EPN3: variants seen among roughly 807,000 people sequenced by gnomAD.
The protein encoded by EPN3 is epsin 3.
In EPN3, 56 loss-of-function variants were observed where a neutral mutation model predicts 55.5. The observed-to-expected ratio is 1.01, with a 90% CI of 0.81 to 1.26. EPN3 has a LOEUF of 1.26. EPN3 is among the 50% of genes most tolerant of loss of function. EPN3 has a pLI of 0.00. For missense variants in EPN3, 927 were observed against 853.4 expected, an observed-to-expected ratio of 1.09 and a Z score of -1.07; for synonymous variants, 449 against 375.2, an observed-to-expected ratio of 1.20 and a Z score of -2.27.
chr17:50,542,078 C>G lies in EPN3; in HGVS notation c.1820C>G (p.Pro607Arg), dbSNP rs775376900. The part of the protein sequence containing the change: ...SVFPQAGAFA[P>R]QPLLPTPSSA... ...TTCCCGCAGGCCGGAGCCTTCGCACCGCAGCCGCTGCTGCCCACGCCGAGC... is the reference window on the plus strand; with the variant it reads ...TTCCCGCAGGCCGGAGCCTTCGCACGGCAGCCGCTGCTGCCCACGCCGAGC... Residue 607 changes from proline (P) to arginine (R), a missense_variant, in exon 10 of 10, where the codon CCG (proline) becomes CGG (arginine). Transcript: ENST00000268933. The G allele has an allele frequency of 6.3e-7, 1 of 1,579,996 alleles. No homozygotes were observed. The highest frequency in any genetic ancestry group is 8.5e-7 in the Non-Finnish European group (1 of 1,172,818).
chr17:50,534,434 T>C (rs2034728615), intron 1 of EPN3: 3 of 985,400 alleles, frequency 3.0e-6, no homozygotes, highest in South Asian at 9.4e-5. Flanking sequence ...CGACTGGTTC[T>C]GCTAGTTCCA....
chr17:50,541,803 C>T, intron 9 of EPN3, 41 bp from the exon 10 acceptor site: 1 of 1,608,910 alleles, frequency 6.2e-7, no homozygotes, highest in Non-Finnish European at 8.5e-7. Context: ...CGGTGTAGGG[C>T]TCTGAACCCC....
intron 2 of EPN3, chr17:50,537,446 C>T: frequency 2.6e-6 from 1 of 386,718 alleles, no homozygotes; most frequent in South Asian, 2.9e-5. Flanking sequence ...GTTCTCTGAA[C>T]CTCAGTTTCC....
In EPN3 at chr17:50,541,869, C is replaced by T. The variant is rs1597864595; in HGVS notation, c.1611C>T (p.Asn537=). 1 of 1,609,196 alleles carries T rather than the reference C, an allele frequency of 6.2e-7. No homozygotes were observed. Among genetic ancestry groups the T allele is most frequent in the Non-Finnish European group, 8.5e-7 (1 of 1,179,994 alleles). Residue 537 remains asparagine, a synonymous_variant, in exon 10 of 10, where the codon AAC becomes AAT. Coordinates refer to ENST00000268933, the MANE Select transcript of EPN3 (RefSeq NM_017957.3). Reference sequence around the variant, plus strand: ...GTCTCAGCGCTCCGTCCCCCACCAACCCGTTCGGCGCGGGCGAGCCGGGCA... The same window carrying T: ...GTCTCAGCGCTCCGTCCCCCACCAATCCGTTCGGCGCGGGCGAGCCGGGCA... The part of the protein sequence containing the change: ...LTGLSAPSPT[N]PFGAGEPGRP...
intron 1 of EPN3, among the ~76,000 whole-genome samples, chr17:50,533,628 C>A (rs1218681325): frequency 2.0e-5 from 3 of 152,270 alleles, no homozygotes; most frequent in African/African-American, 2.4e-5. Flanking sequence ...TCGGTCCTGA[C>A]TTTTGGGAAA....
At chr17:50,539,824 C>T (rs1035712300) in intron 5 of EPN3, among the ~76,000 whole-genome samples, 12 of 152,208 alleles carry the variant, frequency 7.9e-5, no homozygotes, top group African/African-American at 2.9e-4. Flanking sequence ...GTCTCCTTTC[C>T]GTCCATGTTC....
rs1440124926 is a variant in EPN3, at chr17:50,539,312, C to T, written c.888C>T (p.Ser296=). 1.9e-6 allele frequency: 3 copies of T among 1,613,968 alleles called. No individual in the cohort carries two copies. The East Asian group carries it at 6.7e-5, about 36-fold the overall frequency. ...AGGAGGAGGAGAAGCTAAAAACCAG[C>T]CAGGTAGGGAGTGGGCTGCGGTGCT... The part of the protein sequence containing the change: ...ERKEEEKLKT[S]QSSILDLADI... Residue 296 remains serine (S), a synonymous_variant, in exon 5 of 10, where the codon AGC becomes AGT. Coordinates refer to ENST00000268933, the MANE Select transcript of EPN3 (RefSeq NM_017957.3).
chr17:50,534,693 C>T (rs117017957), intron 1 of EPN3: 26,991 of 968,638 alleles, frequency 0.028, 414 homozygotes, highest in Middle Eastern at 0.035. Context: ...ACCTCGCCCA[C>T]TCCCACGGTA....
chr17:50,534,088 C>T (rs189811708), intron 1 of EPN3, among the ~76,000 whole-genome samples: 20 of 31,812 alleles, frequency 6.3e-4, no homozygotes, highest in Admixed American at 5.6e-3. Flanking sequence ...CCCTTCTCTG[C>T]GCTTGGGCAG....
intron 1 of EPN3, among the ~76,000 whole-genome samples, chr17:50,535,146 G>A (rs1053995113): frequency 2.6e-5 from 4 of 152,160 alleles, no homozygotes; most frequent in Admixed American, 6.5e-5. Flanking sequence ...CTCCCTGCTG[G>A]GGTACCAGAG....
chr17:50,537,348 T>C (rs1339550168), intron 2 of EPN3: 4 of 574,700 alleles, frequency 7.0e-6, no homozygotes, highest in Non-Finnish European at 1.2e-5. Flanking sequence ...AGCTGCCTGA[T>C]AGGATGGCGC....
Position 50,543,129 on chromosome 17 carries a change from G to A in EPN3, c.*972G>A, listed in dbSNP as rs1297021023. On this transcript the variant is annotated 3_prime_UTR_variant, in exon 10 of 10. Coordinates refer to ENST00000268933, the MANE Select transcript of EPN3 (RefSeq NM_017957.3). ...GGAGGGATCCAACCTCCAGGAGCTCGAGCGCAGCAGGGTAGACAAGCCAGG... is the reference window on the plus strand; with the variant it reads ...GGAGGGATCCAACCTCCAGGAGCTCAAGCGCAGCAGGGTAGACAAGCCAGG... 6.6e-6 allele frequency: 1 copy of A among 152,260 alleles called. No individual in the cohort carries two copies. The highest frequency in any genetic ancestry group is 1.5e-5 in the Non-Finnish European group (1 of 68,050). 9.4% of individuals were successfully genotyped at this position (152,260 alleles called of 1,614,324 possible).
chr17:50,542,233 GGGGCGCC>G lies in EPN3; in HGVS notation c.*79_*85del. ...CCCGCCTCCGGACCCGGGGCTGGGC[GGGGCGCC>G]GGTGCTAGTGGAACGCCGAGCCAGT... On this transcript the variant is annotated 3_prime_UTR_variant, in exon 10 of 10. Coordinates refer to ENST00000268933, the MANE Select transcript of EPN3 (RefSeq NM_017957.3). The G allele has an allele frequency of 7.2e-7, 1 of 1,380,612 alleles. No homozygotes were observed. The highest frequency in any genetic ancestry group is 9.3e-7 in the Non-Finnish European group (1 of 1,073,558). The allele number at this position is 1,380,612 out of a possible 1,614,324, so 85.5% of individuals were successfully genotyped here.
At chr17:50,537,593 G>T (rs1025383938) in intron 2 of EPN3, 3 of 199,130 alleles carry the variant, frequency 1.5e-5, no homozygotes, top group South Asian at 1.1e-4. Context: ...TGAGGGCAGC[G>T]GCTAGACAGT....
Position 50,536,901 on chromosome 17 carries a change from C to T in EPN3, c.345C>T (p.Asp115=), listed in dbSNP as rs139061502. ...TLKDFQYIDR[D]GKDQGVNVRE... ...AGGACTTCCAGTACATCGACCGCGA[C>T]GGCAAGGACCAGGGCGTCAACGTGC... Residue 115 remains aspartate (D), a synonymous_variant, in exon 2 of 10, where the codon GAC becomes GAT. Transcript: ENST00000268933. 3.7e-5 allele frequency: 59 copies of T among 1,614,070 alleles called. 1 individual carries two copies. Among genetic ancestry groups the T allele is most frequent in the South Asian group, 1.1e-4 (10 of 91,096 alleles).
chr17:50,543,512 A>T lies in EPN3; in HGVS notation c.*1355A>T, dbSNP rs1349093641. ...GCCAGCCTCCATCCCCCTTTCAGGG[A>T]CAAATGGCCTTCCACCAGAGTCGGT... On this transcript the variant is annotated 3_prime_UTR_variant, in exon 10 of 10. Coordinates refer to ENST00000268933, the MANE Select transcript of EPN3 (RefSeq NM_017957.3). 1.3e-5 allele frequency: 2 copies of T among 152,214 alleles called. No homozygotes were observed. Among genetic ancestry groups the T allele is most frequent in the Admixed American group, 6.5e-5 (1 of 15,288 alleles). 9.4% of individuals were successfully genotyped at this position (152,214 alleles called of 1,614,324 possible).
At chr17:50,541,203 T>G (rs529014745) in intron 7 of EPN3, 26 bp from the exon 8 acceptor site, 1 of 1,612,996 alleles carries the variant, frequency 6.2e-7, no homozygotes, top group African/African-American at 1.3e-5. Context: ...TGTCAACCCA[T>G]CTCCTCTTCC....
chr17:50,533,155 C>T (rs1201710566), intron 1 of EPN3, among the ~76,000 whole-genome samples, 170 bp downstream of exon 1: 2 of 152,030 alleles, frequency 1.3e-5, no homozygotes, highest in Non-Finnish European at 2.9e-5. Flanking sequence ...TCCCTGCCGC[C>T]CCCAAAAAGG....
chr17:50,537,384 C>T (rs960731831), intron 2 of EPN3: 1 of 523,854 alleles, frequency 1.9e-6, no homozygotes, highest in East Asian at 3.3e-5. Context: ...GGTTTGGAGT[C>T]AGATAGCATT....
Sources: gnomAD v4.1 joint callset for allele counts (sites outside exome capture counted in the v4.1 genomes callset) on GRCh38, gnomAD v4.1.1 for gene constraint, MANE v1.5 for transcripts, NCBI Gene and HGNC (gene_info 2026-07-23, HGNC 2026-07-21) for gene names.